VWC2: variants seen among roughly 807,000 people sequenced by gnomAD.
VWC2 encodes the protein von Willebrand factor C domain containing 2.
VWC2 carries 14 observed loss-of-function variants against 29.8 expected under a neutral mutation model. The ratio of observed to expected loss-of-function variants is 0.47; its 90% CI spans 0.31 to 0.74. The LOEUF (loss-of-function observed/expected upper bound fraction) is 0.74, where lower values mean the gene tolerates loss of function less well. VWC2 is among the 30% of genes least tolerant of loss of function. The probability of loss-of-function intolerance (pLI) is 0.05; values close to 1 mark genes in which losing one functional copy is unlikely to be tolerated. For synonymous variants in VWC2, 213 were observed against 199.0 expected, an observed-to-expected ratio of 1.07 and a Z score of -0.59; for missense variants, 457 against 459.8, an observed-to-expected ratio of 0.99 and a Z score of 0.05.
At chr7:49,890,842 T>A (rs759390561) in intron 3 of VWC2, among the ~76,000 whole-genome samples, 3 of 152,096 alleles carry the variant, frequency 2.0e-5, no homozygotes, top group Non-Finnish European at 4.4e-5. Context: ...CTCCTTACTT[T>A]AAGATTCTTT....
At chr7:49,905,826 G>A (rs769093146) in intron 3 of VWC2, among the ~76,000 whole-genome samples, 15 of 152,212 alleles carry the variant, frequency 9.9e-5, no homozygotes, top group Non-Finnish European at 2.1e-4. Context: ...AAAACAGGCT[G>A]CAGTAAAGAA....
chr7:49,868,801 T>C (rs1233623238), intron 3 of VWC2, among the ~76,000 whole-genome samples: 1 of 152,174 alleles, frequency 6.6e-6, no homozygotes, highest in Non-Finnish European at 1.5e-5. Flanking sequence ...TGTATTTTTG[T>C]AGAGACAAGG....
At chr7:49,779,059 G>A (rs1788118928) in intron 2 of VWC2, among the ~76,000 whole-genome samples, 2 of 150,832 alleles carry the variant, frequency 1.3e-5, no homozygotes, top group African/African-American at 4.9e-5. Flanking sequence ...GAGAGAGAGA[G>A]ACAGAGACAG....
chr7:49,791,855 G>A (rs1788468213), intron 2 of VWC2, among the ~76,000 whole-genome samples: 1 of 152,192 alleles, frequency 6.6e-6, no homozygotes. Flanking sequence ...TCAAGCTCAA[G>A]AAGTACTGAT....
intron 3 of VWC2, among the ~76,000 whole-genome samples, chr7:49,807,090 T>C (rs879339108): frequency 6.6e-6 from 1 of 152,064 alleles, no homozygotes; most frequent in South Asian, 2.1e-4. Context: ...TCTAACAAAA[T>C]TGTGAAAAGT....
chr7:49,856,432 T>C (rs751056177), intron 3 of VWC2, among the ~76,000 whole-genome samples: 1 of 152,208 alleles, frequency 6.6e-6, no homozygotes, highest in Non-Finnish European at 1.5e-5. Flanking sequence ...CAGAAAAAGA[T>C]GTTGGCCCCA....
chr7:49,814,383 T>C (rs973578252), intron 3 of VWC2, among the ~76,000 whole-genome samples: 2 of 152,226 alleles, frequency 1.3e-5, no homozygotes, highest in East Asian at 3.8e-4. Context: ...ATAAGGAGGA[T>C]GAATAGGTAG....
rs536880676 is a variant in VWC2, at chr7:49,892,031, ATTTTTTTTTTT to A, written c.827-19982_827-19972del. ...GCAGTTGGCAGAACAGACAAAGTAG[ATTTTTTTTTTT>A]TTTTTTTTTTTTTTTTTTTTGAGAC... On this transcript the variant is annotated intron_variant, in intron 3 of 3. Transcript: ENST00000340652. 2.3e-3 allele frequency among the ~76,000 whole-genome samples: 123 copies of A among 53,298 alleles called. 1 individual carries two copies. Among genetic ancestry groups the A allele is most frequent in the Non-Finnish European group, 3.7e-3 (111 of 29,934 alleles). The allele number at this position is 53,298 out of a possible 152,430, so 35.0% of individuals were successfully genotyped here.
chr7:49,847,560 C>T (rs1789991043), intron 3 of VWC2, among the ~76,000 whole-genome samples: 1 of 152,108 alleles, frequency 6.6e-6, no homozygotes, highest in Non-Finnish European at 1.5e-5. Context: ...CATCATTGTT[C>T]AAAGAGAGTT....
intron 3 of VWC2, among the ~76,000 whole-genome samples, chr7:49,821,006 CCT>C (rs1789250406): frequency 6.6e-6 from 1 of 152,132 alleles, no homozygotes; most frequent in African/African-American, 2.4e-5. Flanking sequence ...GCTGCCCAGC[CCT>C]CCCCGCCCAG....
chr7:49,802,578 C>T (rs1348914846), intron 2 of VWC2, 133 bp from the exon 3 acceptor site: 6 of 1,211,132 alleles, frequency 5.0e-6, no homozygotes, highest in African/African-American at 4.5e-5. Context: ...ACAGAGGTTG[C>T]GGTGAGCCGA....
At chr7:49,852,394 C>T (rs2128716963) in intron 3 of VWC2, among the ~76,000 whole-genome samples, 1 of 152,348 alleles carries the variant, frequency 6.6e-6, no homozygotes, top group African/African-American at 2.4e-5. Flanking sequence ...GGCCTGTTCA[C>T]TCATCTCCTT....
At chr7:49,808,478 C>A (rs1309021836) in intron 3 of VWC2, among the ~76,000 whole-genome samples, 1 of 151,938 alleles carries the variant, frequency 6.6e-6, no homozygotes, top group African/African-American at 2.4e-5. Flanking sequence ...AAAATCTAGA[C>A]AGAAAATGAA....
At chr7:49,850,279 T>A (rs1377415614) in intron 3 of VWC2, 3 of 152,280 alleles carry the variant, frequency 2.0e-5, no homozygotes, top group Non-Finnish European at 4.4e-5. Flanking sequence ...AATTACATCA[T>A]CACCTAGGAA....
intron 2 of VWC2, among the ~76,000 whole-genome samples, chr7:49,783,540 G>A (rs974357971): frequency 2.0e-4 from 30 of 152,282 alleles, no homozygotes; most frequent in East Asian, 9.6e-4. Context: ...TTCTGACCAC[G>A]TAGCTGGAAA....
chr7:49,851,551 C>A (rs13232084), intron 3 of VWC2, among the ~76,000 whole-genome samples: 1 of 152,188 alleles, frequency 6.6e-6, no homozygotes, highest in Non-Finnish European at 1.5e-5. Flanking sequence ...GCTCTGGGAC[C>A]AACTCTGAAA....
In VWC2 at chr7:49,775,082, T is replaced by C. The variant is rs10252035; in HGVS notation, c.-103-251T>C. ...GGGCTCCGCAAGCCGCCCTTGGCCA[T>C]CTCCAACACTAATCACGACTACATC... On this transcript the variant is annotated intron_variant, in intron 1 of 3. Coordinates refer to ENST00000340652, the MANE Select transcript of VWC2 (RefSeq NM_198570.5). 6.8e-3 allele frequency among the ~76,000 whole-genome samples: 1,035 copies of C among 151,998 alleles called. 9 individuals carry two copies. The highest frequency in any genetic ancestry group is 0.023 in the African/African-American group (967 of 41,474).
intron 3 of VWC2, among the ~76,000 whole-genome samples, chr7:49,870,893 T>C (rs1303162759): frequency 6.6e-6 from 1 of 152,146 alleles, no homozygotes; most frequent in Non-Finnish European, 1.5e-5. Context: ...ACAGGTGAAC[T>C]CCATAGAACC....
At chr7:49,813,270 G>A (rs907377973) in intron 3 of VWC2, among the ~76,000 whole-genome samples, 3 of 152,204 alleles carry the variant, frequency 2.0e-5, no homozygotes, top group African/African-American at 4.8e-5. Context: ...TGCAGAGCCC[G>A]CAACACAACA....
Sources: allele counts gnomAD v4.1 joint callset (sites outside exome capture counted in the v4.1 genomes callset), GRCh38; gene constraint gnomAD v4.1.1; transcripts MANE v1.5; gene names NCBI Gene and HGNC (gene_info 2026-07-23, HGNC 2026-07-21).